DDX60: variants seen among roughly 807,000 people sequenced by gnomAD.
The protein encoded by DDX60 is probable ATP-dependent RNA helicase DDX60.
Under a neutral mutation model 212.8 loss-of-function variants are expected in DDX60, and 165 were observed. The ratio of observed to expected loss-of-function variants is 0.78; its 90% CI spans 0.68 to 0.88. The LOEUF is 0.88. Among genes scored for constraint, DDX60 ranks in the 40% least tolerant of loss-of-function variants. DDX60 has a pLI of 0.00. For missense variants in DDX60, 1,905 were observed against 2,003.9 expected, an observed-to-expected ratio of 0.95 and a Z score of 0.94; for synonymous variants, 703 against 685.3, an observed-to-expected ratio of 1.03 and a Z score of -0.40.
intron 30 of DDX60, among the ~76,000 whole-genome samples, chr4:168,240,685 A>G (rs1236897097): frequency 6.6e-6 from 1 of 152,196 alleles, no homozygotes; most frequent in African/African-American, 2.4e-5. Flanking sequence ...AAAACAAGCA[A>G]TGGGGAAAGG....
intron 33 of DDX60, among the ~76,000 whole-genome samples, chr4:168,228,446 T>A (rs969064375): frequency 6.6e-6 from 1 of 152,048 alleles, no homozygotes; most frequent in African/African-American, 2.4e-5. Flanking sequence ...GAACCACTCA[T>A]TATATATTTT....
At chr4:168,281,371 C>T (rs1010667738) in intron 13 of DDX60, among the ~76,000 whole-genome samples, 1 of 152,164 alleles carries the variant, frequency 6.6e-6, no homozygotes, top group South Asian at 2.1e-4. Flanking sequence ...TGCTCAGACA[C>T]CTATTGAAGC....
chr4:168,274,140 A>G, intron 16 of DDX60, 57 bp from the exon 17 acceptor site: 1 of 1,604,324 alleles, frequency 6.2e-7, no homozygotes, highest in African/African-American at 1.3e-5. Flanking sequence ...TTACCAAAAC[A>G]AAGACAGTAT....
upstream of DDX60, among the ~76,000 whole-genome samples, chr4:168,323,383 T>G (rs140641192): frequency 2.0e-5 from 3 of 152,272 alleles, no homozygotes; most frequent in East Asian, 5.8e-4. Context: ...GAATTTACAT[T>G]AATCAATGCA....
chr4:168,236,090 A>G, intron 33 of DDX60, 162 bp downstream of exon 33: 2 of 569,128 alleles, frequency 3.5e-6, no homozygotes, highest in Non-Finnish European at 5.7e-6. Flanking sequence ...GGGAGACATC[A>G]ATTACAGATT....
intron 25 of DDX60, among the ~76,000 whole-genome samples, chr4:168,259,933 G>T (rs1384011470): frequency 6.6e-6 from 1 of 151,618 alleles, no homozygotes; most frequent in Non-Finnish European, 1.5e-5. Flanking sequence ...TATTCAATTT[G>T]TTTTGCAAAG....
intron 1 of DDX60, 33 bp from the exon 2 acceptor site, chr4:168,311,398 T>C (rs1737128553): frequency 1.2e-6 from 1 of 819,828 alleles, no homozygotes; most frequent in Non-Finnish European, 2.0e-6. Flanking sequence ...GAGTCTTTAT[T>C]CAACAAACAT....
chr4:168,225,715 A>T, intron 33 of DDX60, 39 bp from the exon 34 acceptor site: 1 of 1,582,102 alleles, frequency 6.3e-7, no homozygotes, highest in Non-Finnish European at 8.6e-7. Flanking sequence ...AGATCTATTT[A>T]CCTTCCTTCA....
chr4:168,274,127 A>G (rs1483236629), intron 16 of DDX60, 44 bp from the exon 17 acceptor site: 2 of 1,609,934 alleles, frequency 1.2e-6, no homozygotes, highest in Non-Finnish European at 1.7e-6. Context: ...ACTGAACCGT[A>G]TGTTACCAAA....
Position 168,262,784 on chromosome 4 carries a change from C to A in DDX60, c.3043G>T (p.Glu1015Ter). The A allele has an allele frequency of 6.3e-7, 1 of 1,592,084 alleles. No individual in the cohort carries two copies. The highest frequency in any genetic ancestry group is 8.6e-7 in the Non-Finnish European group (1 of 1,168,820). The change falls in exon 23 of 38, where the codon GAA becomes TAA. Residue 1015 changes from glutamate (E) to a stop codon, truncating the protein, a stop_gained. Coordinates refer to ENST00000393743, the MANE Select transcript of DDX60 (RefSeq NM_017631.6). LOFTEE classifies it high-confidence loss of function. ...AGATCAGGAGGGAATCCATACCTTT[C>A]AATCTGTTTAAAATAAAATTAAAAT... is the stretch of plus-strand genomic sequence containing the variant. ...PCAALTTDHI[E>*]RYGFPPDLTL... is the part of the protein sequence containing the mutation.
chr4:168,302,168 C>T (rs1309893311), intron 6 of DDX60, 132 bp downstream of exon 6: 2 of 459,020 alleles, frequency 4.4e-6, no homozygotes, highest in Non-Finnish European at 7.9e-6. Flanking sequence ...CATAAATGTT[C>T]CGTGGTTATT....
At chr4:168,236,449 T>C in intron 32 of DDX60, 76 bp from the exon 33 acceptor site, 1 of 1,281,532 alleles carries the variant, frequency 7.8e-7, no homozygotes, top group Non-Finnish European at 1.1e-6. Context: ...TGGAATGTCA[T>C]ATTACATTTA....
intron 25 of DDX60, among the ~76,000 whole-genome samples, chr4:168,259,526 C>G (rs962727202): frequency 6.6e-6 from 1 of 151,912 alleles, no homozygotes; most frequent in African/African-American, 2.4e-5. Context: ...ATGATTCATC[C>G]CTATATGTCT....
intron 30 of DDX60, among the ~76,000 whole-genome samples, chr4:168,239,495 T>A (rs1320709336): frequency 6.6e-6 from 1 of 152,124 alleles, no homozygotes; most frequent in African/African-American, 2.4e-5. Flanking sequence ...ATAGATTTGA[T>A]GCTATATAGG....
intron 9 of DDX60, among the ~76,000 whole-genome samples, chr4:168,287,694 T>A (rs1735921031): frequency 6.6e-6 from 1 of 152,160 alleles, no homozygotes; most frequent in Admixed American, 6.5e-5. Context: ...ATGTTTTTGT[T>A]TTGTTTTGTT....
At chr4:168,283,643 AG>A (rs1356947712) in intron 12 of DDX60, 37 bp from the exon 13 acceptor site, 2 of 1,500,226 alleles carry the variant, frequency 1.3e-6, no homozygotes, top group South Asian at 1.2e-5. Flanking sequence ...ACTTTATTGT[AG>A]TTTTTCAATA....
At chr4:168,271,959 A>T in intron 19 of DDX60, 84 bp downstream of exon 19, 1 of 1,090,350 alleles carries the variant, frequency 9.2e-7, no homozygotes, top group South Asian at 1.4e-5. Flanking sequence ...ATCCAAGGGG[A>T]TAGATGTCCT....
At position 168,259,075 on chromosome 4, in the gene DDX60, C is replaced by T. The variant is rs78560553; in HGVS notation, c.3398+1790G>A. 1.2e-4 allele frequency among the ~76,000 whole-genome samples: 18 copies of T among 152,258 alleles called. No homozygotes were observed. In the East Asian group the frequency reaches 3.5e-3, roughly 29 times the overall value. ...TGTAAGTGTCCAACTCTAACTGCAT[C>T]GTTGGGTTTTCAACTCCTTATGGAG... On this transcript the variant is annotated intron_variant, in intron 25 of 37. Transcript: ENST00000393743.
chr4:168,260,148 G>T (rs1427837285), intron 25 of DDX60, among the ~76,000 whole-genome samples: 1 of 151,876 alleles, frequency 6.6e-6, no homozygotes, highest in Non-Finnish European at 1.5e-5. Context: ...AAGTTCTAGG[G>T]TACATGTGCA....
Sources: gnomAD v4.1 joint callset for allele counts (sites outside exome capture counted in the v4.1 genomes callset) on GRCh38, gnomAD v4.1.1 for gene constraint, MANE v1.5 for transcripts, NCBI Gene and HGNC (gene_info 2026-07-23, HGNC 2026-07-21) for gene names.